USP13: variants seen among roughly 807,000 people sequenced by gnomAD.
The protein encoded by USP13 is ubiquitin carboxyl-terminal hydrolase 13.
Under a neutral mutation model 107.8 loss-of-function variants are expected in USP13, and 68 were observed. The ratio of observed to expected loss-of-function variants is 0.63; its 90% confidence interval spans 0.52 to 0.77. USP13 has a LOEUF of 0.77. Ranked by LOEUF, USP13 falls within the 30% of genes least tolerant of loss-of-function variation. USP13 has a pLI of 0.00. For synonymous variants in USP13, 377 were observed against 389.5 expected (o/e 0.97, Z 0.38); for missense variants, 945 against 1,093.3 (o/e 0.86, Z 1.91).
rs371399629 is a variant in USP13 at position 179,718,874 on chromosome 3, AGCCTCCCGAGTAGCTGG to A, written c.806-1064_806-1048del. Among the ~76,000 whole-genome samples, 738 of 151,882 alleles carry A rather than the reference AGCCTCCCGAGTAGCTGG, an allele frequency of 4.9e-3. 3 individuals carry two copies. In the Middle Eastern group the frequency reaches 0.054, roughly 11 times the overall value. Reference sequence around the variant, plus strand: ...TGGGTTCACGCCATTCTCCTGCCTCAGCCTCCCGAGTAGCTGGGACTACAGGCGCCCGCCACCACGCC... The same window carrying A: ...TGGGTTCACGCCATTCTCCTGCCTCAGACTACAGGCGCCCGCCACCACGCC... On this transcript the variant is annotated intron_variant, in intron 6 of 20. Coordinates refer to ENST00000263966, the MANE Select transcript of USP13 (RefSeq NM_003940.3).
chr3:179,691,382 T>C (rs552781771), intron 3 of USP13, among the ~76,000 whole-genome samples: 4 of 152,172 alleles, frequency 2.6e-5, no homozygotes, highest in Non-Finnish European at 5.9e-5. Flanking sequence ...CTTTAATAAT[T>C]GTGACACTTT....
chr3:179,767,778 T>C (rs1715224859), intron 19 of USP13, among the ~76,000 whole-genome samples: 1 of 151,640 alleles, frequency 6.6e-6, no homozygotes, highest in African/African-American at 2.4e-5. Flanking sequence ...TGTATTTAAC[T>C]AAATCTACAC....
Position 179,784,203 on chromosome 3 carries a change from AAGAAG to A in USP13, c.*64_*68del. On this transcript the variant is annotated 3_prime_UTR_variant, in exon 21 of 21. Coordinates refer to ENST00000263966, the MANE Select transcript of USP13 (RefSeq NM_003940.3). ...GCCTTTTTAATTTGCCAAAAAAAAAAAGAAGAAGAAGAAGTTGAAACAACTAGACA... is the reference window on the plus strand; with the variant it reads ...GCCTTTTTAATTTGCCAAAAAAAAAAAAGAAGAAGTTGAAACAACTAGACA... The A allele has an allele frequency of 7.7e-7, 1 of 1,290,394 alleles. No individual in the cohort carries two copies. Among genetic ancestry groups the A allele is most frequent in the Non-Finnish European group, 1.1e-6 (1 of 918,528 alleles). 79.9% of individuals were successfully genotyped at this position (1,290,394 alleles called of 1,614,324 possible).
intron 1 of USP13, among the ~76,000 whole-genome samples, chr3:179,664,698 C>T (rs547295764): frequency 6.6e-6 from 1 of 152,132 alleles, no homozygotes; most frequent in East Asian, 1.9e-4. Context: ...AACAACAGGA[C>T]AATGTAACAA....
At chr3:179,747,420 C>T (rs1206653616) in intron 13 of USP13, among the ~76,000 whole-genome samples, 1 of 152,192 alleles carries the variant, frequency 6.6e-6, no homozygotes, top group Non-Finnish European at 1.5e-5. Context: ...AAATCCCCAG[C>T]ATCAGGTGTG....
intron 11 of USP13, 114 bp downstream of exon 11, chr3:179,740,486 C>A: frequency 6.7e-7 from 1 of 1,490,128 alleles, no homozygotes; most frequent in African/African-American, 1.4e-5. Flanking sequence ...TCTTCAATCT[C>A]TCCTGTTAAA....
chr3:179,756,797 A>G lies in USP13; in HGVS notation c.1922-255A>G, dbSNP rs542389474. ...TTTTTAAAGAAAAAATAATAGAGAC[A>G]TAATAGGGAAATAGTAGTTTGTTAG... is the stretch of plus-strand genomic sequence containing the variant. On this transcript the variant is annotated intron_variant, in intron 15 of 20. Transcript: ENST00000263966. Among the ~76,000 whole-genome samples the G allele has an allele frequency of 2.6e-5, 4 of 152,304 alleles. No individual in the cohort carries two copies. In the East Asian group the frequency reaches 5.8e-4, roughly 22 times the overall value.
chr3:179,720,895 G>C (rs1185827676), intron 7 of USP13, among the ~76,000 whole-genome samples: 1 of 150,352 alleles, frequency 6.7e-6, no homozygotes, highest in Admixed American at 6.7e-5. Flanking sequence ...TGAAACCTCC[G>C]CCTCCTGGGT....
Position 179,678,900 on chromosome 3 carries a change from A to G in USP13, c.169-2978A>G, listed in dbSNP as rs1340982996. Among the ~76,000 whole-genome samples, 2 of 151,832 alleles carry G rather than the reference A, an allele frequency of 1.3e-5. No individual in the cohort carries two copies. Among genetic ancestry groups the G allele is most frequent in the African/African-American group, 4.8e-5 (2 of 41,304 alleles). On this transcript the variant is annotated intron_variant, in intron 1 of 20. Coordinates refer to ENST00000263966, the MANE Select transcript of USP13 (RefSeq NM_003940.3). This position sits in a 1 kb window ranked among gnomAD's most constrained non-coding sequence, Gnocchi z 4.2. ...TTTCACTAGTGTGTGTAGATTCCTTAGAATTTTCAATATGGCCTGTACTGT... is the reference window on the plus strand; with the variant it reads ...TTTCACTAGTGTGTGTAGATTCCTTGGAATTTTCAATATGGCCTGTACTGT...
Position 179,653,434 on chromosome 3 carries a change from C to T in USP13, c.168+41C>T, listed in dbSNP as rs1489965053. The T allele has an allele frequency of 1.3e-6, 2 of 1,535,134 alleles. No homozygotes were observed. Among genetic ancestry groups the T allele is most frequent in the Admixed American group, 2.0e-5 (1 of 49,626 alleles). On this transcript the variant is annotated intron_variant, in intron 1 of 20. Coordinates refer to ENST00000263966, the MANE Select transcript of USP13 (RefSeq NM_003940.3). The surrounding 1 kb of genome is among the most constrained non-coding windows in gnomAD (Gnocchi z 4.0). ...CGGGGGAGGGTCGCGGGGCCGGCGG[C>T]CTGCGGCACGTGAAGCCGGGGGAGA... is the stretch of plus-strand genomic sequence containing the variant.
At chr3:179,733,745 G>GCCA (rs915694792) in intron 10 of USP13, among the ~76,000 whole-genome samples, 1 of 152,172 alleles carries the variant, frequency 6.6e-6, no homozygotes, top group African/African-American at 2.4e-5. Flanking sequence ...TTTTTACGGG[G>GCCA]CCACCACCAC....
chr3:179,752,610 A>T (rs1714652158), intron 14 of USP13, among the ~76,000 whole-genome samples: 1 of 152,262 alleles, frequency 6.6e-6, no homozygotes, highest in South Asian at 2.1e-4. Flanking sequence ...GTGTAAACAG[A>T]ATCCTCACAT....
Position 179,784,193 on chromosome 3 carries a change from C to CAAAA in USP13, c.*60_*63dup. On this transcript the variant is annotated 3_prime_UTR_variant, in exon 21 of 21. Coordinates refer to ENST00000263966, the MANE Select transcript of USP13 (RefSeq NM_003940.3). Reference sequence around the variant, plus strand: ...GAAGCCATACGCCTTTTTAATTTGCCAAAAAAAAAAAGAAGAAGAAGAAGT... The same window carrying CAAAA: ...GAAGCCATACGCCTTTTTAATTTGCCAAAAAAAAAAAAAAAGAAGAAGAAGAAGT... The CAAAA allele has an allele frequency of 9.6e-7, 1 of 1,041,284 alleles. No homozygotes were observed. The allele number at this position is 1,041,284 out of a possible 1,614,324, so 64.5% of individuals were successfully genotyped here.
chr3:179,687,467 C>T (rs192028124), intron 2 of USP13, among the ~76,000 whole-genome samples: 13 of 151,682 alleles, frequency 8.6e-5, no homozygotes, highest in African/African-American at 2.2e-4. Flanking sequence ...CGAGACCAGC[C>T]TGACCAACAT....
chr3:179,774,241 CA>C (rs1715433211), intron 19 of USP13, among the ~76,000 whole-genome samples: 1 of 152,098 alleles, frequency 6.6e-6, no homozygotes, highest in Non-Finnish European at 1.5e-5. Context: ...GAGAGGGCAC[CA>C]AGGTATTCAT....
Position 179,765,846 on chromosome 3 carries a change from G to C in USP13, c.2411G>C (p.Gly804Ala), listed in dbSNP as rs1190851637. The change falls in exon 19 of 21, where the codon GGA becomes GCA. Residue 804 changes from glycine (G) to alanine (A), a missense_variant and splice_region_variant. Physicochemically the swap from Gly to Ala is moderately conservative, Grantham distance 60. Coordinates refer to ENST00000263966, the MANE Select transcript of USP13 (RefSeq NM_003940.3). ...GGACCTAGAGTCAAGGATGGATCTGGAAGTAAGTTCTTGCCTTAGAGGCTG... is the reference window on the plus strand; with the variant it reads ...GGACCTAGAGTCAAGGATGGATCTGCAAGTAAGTTCTTGCCTTAGAGGCTG... ...PEGPRVKDGS[G>A]TYELFAFISH... 7.4e-6 allele frequency: 12 copies of C among 1,613,768 alleles called. No individual in the cohort carries two copies. In the East Asian group the frequency reaches 2.7e-4, roughly 36 times the overall value.
At chr3:179,690,053 AT>A (rs887225088) in intron 2 of USP13, among the ~76,000 whole-genome samples, 187 bp from the exon 3 acceptor site, 103 of 152,314 alleles carry the variant, frequency 6.8e-4, no homozygotes, top group African/African-American at 2.4e-3. Flanking sequence ...AAGCAGGTGG[AT>A]AGCATTGCCC....
At chr3:179,661,801 C>T (rs975593521) in intron 1 of USP13, among the ~76,000 whole-genome samples, 2 of 152,074 alleles carry the variant, frequency 1.3e-5, no homozygotes, top group African/African-American at 2.4e-5. Flanking sequence ...CCCTTGGTGG[C>T]AAGATTCTGA....
intron 13 of USP13, among the ~76,000 whole-genome samples, chr3:179,747,587 A>T (rs1386356986): frequency 6.6e-6 from 1 of 152,078 alleles, no homozygotes. Context: ...CCTTTTCAAC[A>T]CCTGGAAATG....
Sources: allele counts gnomAD v4.1 joint callset (sites outside exome capture counted in the v4.1 genomes callset), GRCh38; gene constraint gnomAD v4.1.1; non-coding constraint Gnocchi (gnomAD v3.1); transcripts MANE v1.5; gene names NCBI Gene and HGNC (gene_info 2026-07-23, HGNC 2026-07-21).